The following REV3L variants were observed in gnomAD, a reference collection of about 807,000 sequenced individuals.
REV3L encodes the protein REV3 like, DNA directed polymerase zeta catalytic subunit, also known as DNA polymerase zeta catalytic subunit.
Under a neutral mutation model 299.4 loss-of-function variants are expected in REV3L, and 69 were observed. The observed-to-expected ratio is 0.23, with a 90% confidence interval of 0.19 to 0.28. The LOEUF is 0.28. Among genes scored for constraint, REV3L ranks in the 10% least tolerant of loss-of-function variants. The pLI, the probability that REV3L is intolerant of heterozygous loss-of-function variation, is 1.00. For missense variants in REV3L, 3,128 were observed against 3,693.8 expected (o/e 0.85, Z 3.97); for synonymous variants, 1,238 against 1,271.4 (o/e 0.97, Z 0.56).
intron 1 of REV3L, among the ~76,000 whole-genome samples, chr6:111,455,487 T>G (rs1790061147): frequency 6.6e-6 from 1 of 152,154 alleles, no homozygotes; most frequent in African/African-American, 2.4e-5. Flanking sequence ...GAAAAAACTT[T>G]ATGTTGTCTA....
Position 111,374,451 on chromosome 6 carries a change from T to G in REV3L, c.3904A>C (p.Ser1302Arg). 6.2e-7 allele frequency: 1 copy of G among 1,614,048 alleles called. No individual in the cohort carries two copies. The highest frequency in any genetic ancestry group is 8.5e-7 in the Non-Finnish European group (1 of 1,179,938). Residue 1302 changes from serine (S) to arginine (R), a missense_variant, in exon 13 of 32, where the codon AGC becomes CGC. Physicochemically the swap from Ser to Arg is moderately radical, Grantham distance 110. Coordinates refer to ENST00000368802, the MANE Select transcript of REV3L (RefSeq NM_001372078.1). Reference protein sequence around the residue: ...LSGCFSSFLESKKSVDLQTFP... With the variant: ...LSGCFSSFLERKKSVDLQTFP... ...GTCTGCAAATCTACAGACTTCTTGC[T>G]TTCTAAGAAAGAAGAAAAGCAGCCA...
At chr6:111,358,431 C>A (rs529376631) in intron 17 of REV3L, among the ~76,000 whole-genome samples, 246 of 152,034 alleles carry the variant, frequency 1.6e-3, no homozygotes, top group African/African-American at 5.5e-3. Context: ...ATATTAAGAT[C>A]TTTATATTGC....
chr6:111,444,669 A>C (rs17510506), intron 1 of REV3L, among the ~76,000 whole-genome samples: 99 of 152,352 alleles, frequency 6.5e-4, no homozygotes, highest in African/African-American at 2.0e-3. Flanking sequence ...AAATTCCTAC[A>C]AACTTCTTTC....
At chr6:111,330,968 A>G (rs1775317875) in intron 24 of REV3L, 13 of 984,866 alleles carry the variant, frequency 1.3e-5, no homozygotes, top group Non-Finnish European at 1.4e-5. Context: ...CACTTTTGAT[A>G]TAGTACACCA....
At chr6:111,360,470 CTTTTTT>C (rs71021836) in intron 16 of REV3L, among the ~76,000 whole-genome samples, 9 of 129,538 alleles carry the variant, frequency 6.9e-5, no homozygotes, top group African/African-American at 2.8e-4. Flanking sequence ...GTTAAATAAT[CTTTTTT>C]TTTTTTTTTT....
chr6:111,341,472 A>T (rs183866084), intron 21 of REV3L, among the ~76,000 whole-genome samples: 5 of 152,370 alleles, frequency 3.3e-5, no homozygotes, highest in Admixed American at 3.3e-4. Context: ...CTCAGGAAGC[A>T]GTTTCCCCAA....
intron 30 of REV3L, 51 bp downstream of exon 30, chr6:111,309,802 G>A: frequency 6.4e-7 from 1 of 1,566,012 alleles, no homozygotes; most frequent in South Asian, 1.2e-5. Context: ...CTGAAAATTT[G>A]GAGTGAAATC....
At position 111,380,065 on chromosome 6, in the gene REV3L, C is replaced by G; in HGVS notation, c.1371G>C (p.Gln457His). The G allele has an allele frequency of 6.2e-7, 1 of 1,614,006 alleles. No homozygotes were observed. The highest frequency in any genetic ancestry group is 1.3e-5 in the African/African-American group (1 of 75,014). Residue 457 changes from glutamine to histidine, a missense_variant, in exon 11 of 32, where the codon CAG becomes CAC. Gln to His is a conservative substitution (Grantham distance 24). Around this residue, in one of 9 missense-constraint regions of REV3L, gnomAD observed 2,409 missense variants for 2,611.8 expected, o/e 0.92. Coordinates refer to ENST00000368802, the MANE Select transcript of REV3L (RefSeq NM_001372078.1). ...QNSDDEENEP[Q>H]IEKEEMELSL... ...TAAGCTCCATTTCCTCTTTTTCAATCTGTGGTTCATTTTCTTCATCATCAC... is the reference window on the plus strand; with the variant it reads ...TAAGCTCCATTTCCTCTTTTTCAATGTGTGGTTCATTTTCTTCATCATCAC...
At chr6:111,357,852 G>A (rs998430698) in intron 17 of REV3L, among the ~76,000 whole-genome samples, 20 of 152,166 alleles carry the variant, frequency 1.3e-4, no homozygotes, top group African/African-American at 4.6e-4. Context: ...AAAAAAGAAA[G>A]CCTTAATTTG....
chr6:111,353,123 A>G lies in REV3L; in HGVS notation c.7185-1332T>C, dbSNP rs138446970. Among the ~76,000 whole-genome samples, 12 of 152,322 alleles carry G rather than the reference A, an allele frequency of 7.9e-5. No individual in the cohort carries two copies. In the East Asian group the frequency reaches 1.7e-3, roughly 22 times the overall value. On this transcript the variant is annotated intron_variant, in intron 18 of 31. Coordinates refer to ENST00000368802, the MANE Select transcript of REV3L (RefSeq NM_001372078.1). ...AATTGTGAGATGTGCAGCCTGTCCA[A>G]TTTACAGCATTTAATACCCTAAGCC...
intron 5 of REV3L, among the ~76,000 whole-genome samples, chr6:111,392,294 A>T (rs1053536440): frequency 6.6e-6 from 1 of 152,206 alleles, no homozygotes; most frequent in African/African-American, 2.4e-5. Context: ...TTTCAGAATT[A>T]AAAATTAGCA....
chr6:111,342,568 T>TGAGGCAGGA (rs1223081807), intron 21 of REV3L, among the ~76,000 whole-genome samples: 1 of 151,580 alleles, frequency 6.6e-6, no homozygotes, highest in Non-Finnish European at 1.5e-5. Context: ...CTCGGGAGGC[T>TGAGGCAGGA]GAGGCAGGAG....
Position 111,381,306 on chromosome 6 carries a change from T to C in REV3L, c.1216+19A>G, listed in dbSNP as rs1289894429. Reference sequence around the variant, plus strand: ...TCTGAATTACAATACTGAATATTTATGGTAGCACTGTTACTTACTGAAAAC... The same window carrying C: ...TCTGAATTACAATACTGAATATTTACGGTAGCACTGTTACTTACTGAAAAC... On this transcript the variant is annotated intron_variant, in intron 10 of 31. Coordinates refer to ENST00000368802, the MANE Select transcript of REV3L (RefSeq NM_001372078.1). The C allele has an allele frequency of 1.2e-6, 2 of 1,611,912 alleles. No individual in the cohort carries two copies. Among genetic ancestry groups the C allele is most frequent in the East Asian group, 2.2e-5 (1 of 44,804 alleles).
intron 1 of REV3L, among the ~76,000 whole-genome samples, chr6:111,444,122 C>T (rs773931145): frequency 1.3e-5 from 2 of 152,168 alleles, no homozygotes; most frequent in African/African-American, 2.4e-5. Flanking sequence ...GGCCTTCAAA[C>T]ATCTACTGGC....
chr6:111,411,509 G>T lies in REV3L; in HGVS notation c.375C>A (p.Ile125=). The T allele has an allele frequency of 2.5e-6, 4 of 1,588,874 alleles. No homozygotes were observed. Among genetic ancestry groups the T allele is most frequent in the Non-Finnish European group, 3.4e-6 (4 of 1,163,772 alleles). The change falls in exon 3 of 32, where the codon ATC becomes ATA. Residue 125 remains isoleucine (I), a synonymous_variant. Coordinates refer to ENST00000368802, the MANE Select transcript of REV3L (RefSeq NM_001372078.1). ...YHEKERHFMK[I]YLYNPTMVKR... ...TCACCATTGTAGGATTGTAAAGATAGATCTTCATAAAGTGTCTTTCCTTCT... is the reference window on the plus strand; with the variant it reads ...TCACCATTGTAGGATTGTAAAGATATATCTTCATAAAGTGTCTTTCCTTCT...
intron 3 of REV3L, among the ~76,000 whole-genome samples, chr6:111,407,985 T>C (rs538162078): frequency 2.6e-5 from 4 of 152,224 alleles, no homozygotes; most frequent in African/African-American, 9.6e-5. Context: ...ACACAAAGTA[T>C]AGATAAATCT....
At chr6:111,316,112 C>T (rs1030710688) in intron 26 of REV3L, among the ~76,000 whole-genome samples, 7 of 151,940 alleles carry the variant, frequency 4.6e-5, no homozygotes, top group African/African-American at 1.7e-4. Flanking sequence ...GTGGCATGTG[C>T]CTATAATCCC....
intron 26 of REV3L, among the ~76,000 whole-genome samples, chr6:111,317,312 TAA>T (rs1019444927): frequency 7.9e-5 from 12 of 152,226 alleles, no homozygotes; most frequent in Non-Finnish European, 1.6e-4. Flanking sequence ...TCAACTCTAC[TAA>T]AAGTCTTTAA....
chr6:111,408,648 A>AAAACAAAAAC (rs1783908918), intron 3 of REV3L, among the ~76,000 whole-genome samples: 1 of 139,934 alleles, frequency 7.1e-6, no homozygotes, highest in Non-Finnish European at 1.5e-5. Flanking sequence ...AAAACAAAAC[A>AAAACAAAAAC]AAAACAACAT....
Sources: allele counts gnomAD v4.1 joint callset (sites outside exome capture counted in the v4.1 genomes callset), GRCh38; gene constraint gnomAD v4.1.1; regional missense constraint gnomAD v4.1.1; transcripts MANE v1.5; gene names NCBI Gene and HGNC (gene_info 2026-07-23, HGNC 2026-07-21).